The following SEC24A variants were observed in gnomAD, a reference collection of about 807,000 sequenced individuals.
SEC24A encodes SEC24 homolog A, COPII component.
SEC24A carries 93 observed loss-of-function variants against 129.4 expected under a neutral mutation model. That is an observed-to-expected ratio of 0.72 (90% CI 0.61 to 0.85). The LOEUF is 0.85. SEC24A is among the 40% of genes least tolerant of loss of function. SEC24A has a pLI of 0.00. For missense variants in SEC24A, 1,264 were observed against 1,307.4 expected (o/e 0.97, Z 0.51); for synonymous variants, 460 against 467.3 (o/e 0.98, Z 0.20).
At chr5:134,687,670 A>C (rs540477810) in intron 10 of SEC24A, among the ~76,000 whole-genome samples, 4 of 152,184 alleles carry the variant, frequency 2.6e-5, no homozygotes, top group African/African-American at 9.7e-5. Context: ...GGGATTGTGA[A>C]TTGATGAGAT....
chr5:134,690,760 G>A (rs1159287428), intron 11 of SEC24A, among the ~76,000 whole-genome samples: 1 of 152,194 alleles, frequency 6.6e-6, no homozygotes, highest in Admixed American at 6.5e-5. Flanking sequence ...AATCCTGAGA[G>A]GCTCATCTGA....
At position 134,686,811 on chromosome 5, in the gene SEC24A, G is replaced by T. The variant is rs768476154; in HGVS notation, c.1513G>T (p.Val505Leu). 6.2e-7 allele frequency: 1 copy of T among 1,604,482 alleles called. No individual in the cohort carries two copies. Among genetic ancestry groups the T allele is most frequent in the Non-Finnish European group, 8.5e-7 (1 of 1,175,954 alleles). Reference sequence around the variant, plus strand: ...TCAGTTACGACCACCTCAGCCTCCAGTGTATCTCTTTGTATTTGATGTGTC... The same window carrying T: ...TCAGTTACGACCACCTCAGCCTCCATTGTATCTCTTTGTATTTGATGTGTC... Reference protein sequence around the residue: ...EYMLRPPQPPVYLFVFDVSHN... With the variant: ...EYMLRPPQPPLYLFVFDVSHN... The change falls in exon 10 of 23, where the codon GTG becomes TTG. Residue 505 changes from valine to leucine, a missense_variant. By Grantham distance (32) the Val-to-Leu change is conservative. Transcript: ENST00000398844.
intron 8 of SEC24A, among the ~76,000 whole-genome samples, chr5:134,680,138 T>C (rs1443918142): frequency 3.3e-5 from 5 of 152,128 alleles, no homozygotes; most frequent in Non-Finnish European, 7.3e-5. Flanking sequence ...TAGGCAGTGC[T>C]AGAAGGTTAG....
intron 21 of SEC24A, 86 bp from the exon 22 acceptor site, chr5:134,723,480 TA>T (rs1752678284): frequency 2.4e-6 from 2 of 829,896 alleles, no homozygotes; most frequent in South Asian, 3.5e-5. Flanking sequence ...AAAATGTAAT[TA>T]AAAAAATAAA....
intron 9 of SEC24A, among the ~76,000 whole-genome samples, chr5:134,683,210 G>A (rs190512963): frequency 6.6e-6 from 1 of 151,460 alleles, no homozygotes; most frequent in African/African-American, 2.4e-5. Flanking sequence ...TAATAGAGAC[G>A]GGGTTTCACC....
At chr5:134,667,070 C>T in intron 3 of SEC24A, 74 bp downstream of exon 3, 1 of 1,263,904 alleles carries the variant, frequency 7.9e-7, no homozygotes, top group South Asian at 1.6e-5. Flanking sequence ...TAGCTGAATT[C>T]TGTGCATTAA....
At chr5:134,667,653 C>G (rs372669729) in intron 3 of SEC24A, among the ~76,000 whole-genome samples, 59 of 41,088 alleles carry the variant, frequency 1.4e-3, no homozygotes, top group Admixed American at 4.0e-3. Flanking sequence ...GACTCCGTCT[C>G]AAAAAAAAAA....
At chr5:134,678,748 AT>A (rs1470689341) in intron 7 of SEC24A, among the ~76,000 whole-genome samples, 1 of 152,006 alleles carries the variant, frequency 6.6e-6, no homozygotes, top group East Asian at 1.9e-4. Flanking sequence ...CGCCTAGCTA[AT>A]TTTTGTATTT....
At chr5:134,720,450 A>G (rs185537175) in intron 20 of SEC24A, among the ~76,000 whole-genome samples, 3 of 152,324 alleles carry the variant, frequency 2.0e-5, no homozygotes, top group South Asian at 2.1e-4. Flanking sequence ...CACATTGTTC[A>G]GTGGATTCAT....
chr5:134,702,086 C>T (rs933157159), intron 15 of SEC24A, among the ~76,000 whole-genome samples: 9 of 152,094 alleles, frequency 5.9e-5, no homozygotes, highest in Non-Finnish European at 1.3e-4. Flanking sequence ...GGAATTATAC[C>T]TGGCTTTTTT....
At chr5:134,692,166 C>T (rs1228048642) in intron 11 of SEC24A, among the ~76,000 whole-genome samples, 1 of 149,854 alleles carries the variant, frequency 6.7e-6, no homozygotes, top group Non-Finnish European at 1.5e-5. Flanking sequence ...CTCAAGGAAT[C>T]CTCCCACATA....
chr5:134,682,545 T>C (rs1188814552), intron 9 of SEC24A, 63 bp downstream of exon 9: 1 of 796,234 alleles, frequency 1.3e-6, no homozygotes, highest in Non-Finnish European at 2.1e-6. Flanking sequence ...AGTAAAACAA[T>C]ACAGCATCCT....
chr5:134,660,099 C>T (rs555336827), intron 1 of SEC24A, among the ~76,000 whole-genome samples: 5 of 151,754 alleles, frequency 3.3e-5, no homozygotes, highest in Admixed American at 1.3e-4. Context: ...TGTTTGCTCA[C>T]GCCTGTAATC....
chr5:134,688,626 T>C (rs1205379910), intron 11 of SEC24A, among the ~76,000 whole-genome samples: 2 of 152,226 alleles, frequency 1.3e-5, no homozygotes, highest in South Asian at 2.1e-4. Context: ...GGAAATAGAA[T>C]TGAGAGCTCA....
chr5:134,680,995 A>G (rs1241719975), intron 8 of SEC24A, among the ~76,000 whole-genome samples: 2 of 151,052 alleles, frequency 1.3e-5, no homozygotes, highest in Non-Finnish European at 2.9e-5. Flanking sequence ...GCTACTCGGG[A>G]GGCTGAGGCA....
rs377099573 is a variant in SEC24A at position 134,672,379 on chromosome 5, G to C, written c.817+493G>C. On this transcript the variant is annotated intron_variant, in intron 4 of 22. Coordinates refer to ENST00000398844, the MANE Select transcript of SEC24A (RefSeq NM_021982.3). ...ATTTTTGTATTTTTAGTAGAGACAG[G>C]GTTTCACCATGTTGGCCAGGCTGTC... Among the ~76,000 whole-genome samples the C allele has an allele frequency of 3.9e-5, 6 of 152,226 alleles. No individual in the cohort carries two copies. The East Asian group carries it at 9.7e-4, about 25-fold the overall frequency.
At chr5:134,693,612 T>G in intron 12 of SEC24A, 115 bp from the exon 13 acceptor site, 3 of 1,458,916 alleles carry the variant, frequency 2.1e-6, no homozygotes, top group Non-Finnish European at 2.7e-6. Flanking sequence ...TTAGTGTCTG[T>G]AGATTCTCTG....
chr5:134,670,922 G>A (rs766253310), intron 3 of SEC24A, among the ~76,000 whole-genome samples: 4 of 152,014 alleles, frequency 2.6e-5, no homozygotes, highest in Non-Finnish European at 5.9e-5. Flanking sequence ...CCAGGAGGTG[G>A]AGGTTGCTGT....
rs79420669 is a variant in SEC24A at position 134,662,890 on chromosome 5, C to T, written c.565+1304C>T. ...GAATGAATGTGTGGTCCCAGCTACT[C>T]GGGGGGCTGAGGTGGGAGAATTGCT... is the stretch of plus-strand genomic sequence containing the variant. On this transcript the variant is annotated intron_variant, in intron 2 of 22. Coordinates refer to ENST00000398844, the MANE Select transcript of SEC24A (RefSeq NM_021982.3). Among the ~76,000 whole-genome samples, 606 of 152,078 alleles carry T rather than the reference C, an allele frequency of 4.0e-3. 4 individuals carry two copies. The highest frequency in any genetic ancestry group is 0.014 in the African/African-American group (588 of 41,510).
Sources: gnomAD v4.1 joint callset for allele counts (sites outside exome capture counted in the v4.1 genomes callset) on GRCh38, gnomAD v4.1.1 for gene constraint, MANE v1.5 for transcripts, NCBI Gene and HGNC (gene_info 2026-07-23, HGNC 2026-07-21) for gene names.